The following CEP85L variants were observed in gnomAD, a reference collection of about 807,000 sequenced individuals.
The protein encoded by CEP85L is centrosomal protein 85L.
In CEP85L, 60 loss-of-function variants were observed where a neutral mutation model predicts 100.3. That is an observed-to-expected ratio of 0.60 (90% CI 0.49 to 0.74). The LOEUF is 0.74. CEP85L is among the 30% of genes least tolerant of loss of function. CEP85L has a pLI of 0.00. For synonymous variants in CEP85L, 319 were observed against 322.7 expected (o/e 0.99, Z 0.12); for missense variants, 973 against 936.2 (o/e 1.04, Z -0.51).
intron 1 of CEP85L, among the ~76,000 whole-genome samples, chr6:118,680,306 CT>C (rs57764027): frequency 0.016 from 885 of 56,148 alleles, 5 homozygotes; most frequent in East Asian, 0.06. Context: ...CTTGGTGTTG[CT>C]TTTTTTTTTT....
rs1781684348 is a variant in CEP85L, at chr6:118,600,300, G to GGTGGGT, written c.232+32152_232+32153insACCCAC. ...CTGCCTGTCCCTGAGCCTTCCTGGG[G>GGTGGGT]GTGTGTGTGTGTGTGTGTGTGTGTG... On this transcript the variant is annotated intron_variant, in intron 2 of 12. Transcript: ENST00000368491. Among the ~76,000 whole-genome samples, 8 of 52,236 alleles carry GGTGGGT rather than the reference G, an allele frequency of 1.5e-4. 3 individuals are homozygous for GGTGGGT. The highest frequency in any genetic ancestry group is 2.4e-4 in the Non-Finnish European group (6 of 24,784). 34.3% of individuals were successfully genotyped at this position (52,236 alleles called of 152,430 possible). A position where few individuals can be genotyped will look rare whatever the true frequency, so the allele number is the denominator to read the frequency against.
At chr6:118,600,300 G>GGTGTGTGTGTGTGTGTGT (rs59278037) in intron 2 of CEP85L, among the ~76,000 whole-genome samples, 15 of 52,242 alleles carry the variant, frequency 2.9e-4, no homozygotes, top group African/African-American at 6.1e-4. Context: ...CCTTCCTGGG[G>GGTGTGTGTGTGTGTGTGT]GTGTGTGTGT....
At chr6:118,489,106 A>C (rs1459045886) in intron 6 of CEP85L, among the ~76,000 whole-genome samples, 1 of 152,030 alleles carries the variant, frequency 6.6e-6, no homozygotes, top group Non-Finnish European at 1.5e-5. Flanking sequence ...CGTCTCTACT[A>C]AAAATACAAA....
intron 6 of CEP85L, among the ~76,000 whole-genome samples, chr6:118,486,192 A>AT (rs915800060): frequency 3.3e-5 from 5 of 150,668 alleles, no homozygotes; most frequent in Admixed American, 1.3e-4. Context: ...TTGGTGTTTC[A>AT]TTTTTTTTTA....
chr6:118,551,192 G>A (rs1257019958), intron 3 of CEP85L, among the ~76,000 whole-genome samples: 1 of 151,776 alleles, frequency 6.6e-6, no homozygotes, highest in Admixed American at 6.6e-5. Flanking sequence ...TTCTTACCCA[G>A]AGTAATTCTG....
At chr6:118,701,247 C>CTACT (rs1777394349) in intron 1 of CEP85L, among the ~76,000 whole-genome samples, 1 of 152,186 alleles carries the variant, frequency 6.6e-6, no homozygotes, top group East Asian at 1.9e-4. Flanking sequence ...GAACTTAGAG[C>CTACT]TACTATTCGA....
chr6:118,626,746 A>G (rs1773823919), intron 2 of CEP85L, among the ~76,000 whole-genome samples: 1 of 152,192 alleles, frequency 6.6e-6, no homozygotes, highest in African/African-American at 2.4e-5. Flanking sequence ...CACTCGCCGC[A>G]GTCAGCCTCC....
At chr6:118,531,914 T>G (rs1468653774) in intron 3 of CEP85L, among the ~76,000 whole-genome samples, 1 of 152,060 alleles carries the variant, frequency 6.6e-6, no homozygotes, top group Non-Finnish European at 1.5e-5. Flanking sequence ...GCAGGATAAA[T>G]TAGTTCAGCT....
Position 118,481,831 on chromosome 6 carries a change from G to A in CEP85L, c.1693C>T (p.Gln565Ter), listed in dbSNP as rs1032383353. Residue 565 changes from glutamine to a stop codon, truncating the protein, a stop_gained, in exon 8 of 13, where the codon CAG becomes TAG. Transcript: ENST00000368491. LOFTEE classifies it high-confidence loss of function. Reference sequence around the variant, plus strand: ...TCTTTCTTTTTCTGGCATATTAACTGTGTCTCTTTATCTTGACACTGCTTT... The same window carrying A: ...TCTTTCTTTTTCTGGCATATTAACTATGTCTCTTTATCTTGACACTGCTTT... ...IKKQCQDKETQLICQKKKEKE... is the reference protein window; with the variant it reads ...IKKQCQDKET 1 of 1,598,450 alleles carries A rather than the reference G, an allele frequency of 6.3e-7. No homozygotes were observed. The highest frequency in any genetic ancestry group is 8.5e-7 in the Non-Finnish European group (1 of 1,171,944).
intron 2 of CEP85L, among the ~76,000 whole-genome samples, chr6:118,614,970 CTA>C (rs1253303473): frequency 4.6e-5 from 7 of 152,196 alleles, no homozygotes; most frequent in Admixed American, 1.3e-4. Context: ...TTTCTGTGTT[CTA>C]TGTCTTAAAA....
intron 10 of CEP85L, among the ~76,000 whole-genome samples, chr6:118,479,271 A>G (rs993991221): frequency 7.2e-5 from 11 of 152,272 alleles, no homozygotes; most frequent in African/African-American, 2.4e-4. Flanking sequence ...TGATTTTAAG[A>G]AGTAACAGTA....
intron 3 of CEP85L, chr6:118,560,535 G>C (rs1287652871): frequency 6.0e-6 from 1 of 166,944 alleles, no homozygotes; most frequent in Non-Finnish European, 1.5e-5. Context: ...GTGGGGAGTG[G>C]GGGAAAGAAT....
intron 2 of CEP85L, among the ~76,000 whole-genome samples, chr6:118,628,524 A>G (rs1042221397): frequency 6.6e-6 from 1 of 152,012 alleles, no homozygotes; most frequent in Non-Finnish European, 1.5e-5. Context: ...GCTGGTAAAA[A>G]TGGAACATAA....
chr6:118,632,394 T>C, intron 2 of CEP85L, 59 bp downstream of exon 2: 1 of 1,333,034 alleles, frequency 7.5e-7, no homozygotes, highest in Non-Finnish European at 1.0e-6. Flanking sequence ...CCCTGAAAAT[T>C]CTTGTACCAC....
At chr6:118,552,245 T>C (rs1328232237) in intron 3 of CEP85L, among the ~76,000 whole-genome samples, 3 of 152,062 alleles carry the variant, frequency 2.0e-5, no homozygotes, top group South Asian at 4.1e-4. Flanking sequence ...TCTACAAACA[T>C]AAAGAATCCC....
rs143107518 is a variant in CEP85L at position 118,523,440 on chromosome 6, A to T, written c.1139+362T>A. 1.1e-3 allele frequency among the ~76,000 whole-genome samples: 169 copies of T among 152,354 alleles called. 2 individuals are homozygous for T. Among genetic ancestry groups the T allele is most frequent in the African/African-American group, 4.0e-3 (166 of 41,582 alleles). On this transcript the variant is annotated intron_variant, in intron 4 of 12. Coordinates refer to ENST00000368491, the MANE Select transcript of CEP85L (RefSeq NM_001042475.3). Reference sequence around the variant, plus strand: ...TACATTAAAGGAAATGACTGCTTTAAATTAGCTTTCCAACTGGATAGTTCT... The same window carrying T: ...TACATTAAAGGAAATGACTGCTTTATATTAGCTTTCCAACTGGATAGTTCT...
chr6:118,617,962 T>G (rs1164311284), intron 2 of CEP85L, among the ~76,000 whole-genome samples: 1 of 152,166 alleles, frequency 6.6e-6, no homozygotes, highest in African/African-American at 2.4e-5. Context: ...GCAAGACCAC[T>G]GGACTAAAAA....
chr6:118,475,355 T>G (rs1179982749), intron 10 of CEP85L, among the ~76,000 whole-genome samples: 2 of 145,032 alleles, frequency 1.4e-5, no homozygotes, highest in African/African-American at 5.2e-5. Context: ...ACATTTTTTT[T>G]TTTTTTTTTT....
chr6:118,576,917 C>T (rs73526195), intron 2 of CEP85L, among the ~76,000 whole-genome samples: 1,936 of 152,254 alleles, frequency 0.013, 50 homozygotes, highest in African/African-American at 0.044. Flanking sequence ...GCGATTGTTA[C>T]GCTTGTGCGA....
Sources: gnomAD v4.1 joint callset for allele counts (sites outside exome capture counted in the v4.1 genomes callset) on GRCh38, gnomAD v4.1.1 for gene constraint, MANE v1.5 for transcripts, NCBI Gene and HGNC (gene_info 2026-07-23, HGNC 2026-07-21) for gene names.